The following SLC24A2 variants were observed in gnomAD, a reference collection of about 807,000 sequenced individuals.
SLC24A2 encodes the protein sodium/potassium/calcium exchanger 2.
SLC24A2 carries 36 observed loss-of-function variants against 62.0 expected under a neutral mutation model. That is an observed-to-expected ratio of 0.58 (90% CI 0.44 to 0.77). The LOEUF (loss-of-function observed/expected upper bound fraction) is 0.77. Among genes scored for constraint, SLC24A2 ranks in the 30% least tolerant of loss-of-function variants. The pLI, the probability that SLC24A2 is intolerant of heterozygous loss-of-function variation, is 0.00. For synonymous variants in SLC24A2, 358 were observed against 294.0 expected, an observed-to-expected ratio of 1.22 and a Z score of -2.23; for missense variants, 846 against 817.9, an observed-to-expected ratio of 1.03 and a Z score of -0.42.
At chr9:20,026,390 T>G in the SLC24A2 span, among the ~76,000 whole-genome samples, 3 of 152,240 alleles carry the variant, frequency 2.0e-5, no homozygotes, top group African/African-American at 7.2e-5. Flanking sequence ...GCCTAGCACA[T>G]AGTAAGCACT....
intron 2 of SLC24A2, among the ~76,000 whole-genome samples, chr9:19,633,226 C>T (rs773978465): frequency 2.0e-5 from 3 of 152,090 alleles, no homozygotes; most frequent in Non-Finnish European, 2.9e-5. Flanking sequence ...GATAGTTTAC[C>T]ATTTTGGGCT....
chr9:19,580,340 C>T (rs534635289), intron 5 of SLC24A2, among the ~76,000 whole-genome samples: 1 of 152,358 alleles, frequency 6.6e-6, no homozygotes, highest in South Asian at 2.1e-4. Context: ...TGAGGGCCCA[C>T]CTTCAGAATG....
intron 8 of SLC24A2, among the ~76,000 whole-genome samples, chr9:19,541,855 G>A (rs1412480137): frequency 1.3e-5 from 2 of 151,740 alleles, no homozygotes; most frequent in Non-Finnish European, 1.5e-5. Context: ...AGCAATCAGC[G>A]AGATTCCGTG....
intron 2 of SLC24A2, among the ~76,000 whole-genome samples, chr9:19,752,648 TG>T (rs1822020153): frequency 6.6e-6 from 1 of 151,968 alleles, no homozygotes; most frequent in South Asian, 2.1e-4. Flanking sequence ...CATATGGTTG[TG>T]GGGAGGAAGA....
chr9:20,102,117 G>C, the SLC24A2 span, among the ~76,000 whole-genome samples: 1 of 152,166 alleles, frequency 6.6e-6, no homozygotes, highest in African/African-American at 2.4e-5. Context: ...CCAGATCAGA[G>C]TCCCTAGTTC....
chr9:20,162,914 T>C, the SLC24A2 span, among the ~76,000 whole-genome samples: 2 of 152,122 alleles, frequency 1.3e-5, no homozygotes, highest in Non-Finnish European at 2.9e-5. Context: ...GAAAAGGCCT[T>C]TGATAAAATT....
the SLC24A2 span, among the ~76,000 whole-genome samples, chr9:19,934,439 C>CG: frequency 6.6e-6 from 1 of 152,110 alleles, no homozygotes; most frequent in Non-Finnish European, 1.5e-5. This position sits in a 1 kb window ranked among gnomAD's most constrained non-coding sequence, Gnocchi z 4.1. Flanking sequence ...CGCGCACCCC[C>CG]GGGCTCCCGC....
the SLC24A2 span, among the ~76,000 whole-genome samples, chr9:19,820,050 TATATAC>T: frequency 2.2e-4 from 4 of 18,468 alleles, no homozygotes; most frequent in Non-Finnish European, 1.1e-3. Flanking sequence ...TACATATATA[TATATAC>T]ACATATATAT....
At chr9:19,630,696 G>C (rs1818156338) in intron 2 of SLC24A2, among the ~76,000 whole-genome samples, 1 of 152,114 alleles carries the variant, frequency 6.6e-6, no homozygotes, top group African/African-American at 2.4e-5. Flanking sequence ...AGAGATGCCA[G>C]ATTTGCTGAA....
chr9:20,033,604 T>A, the SLC24A2 span, among the ~76,000 whole-genome samples: 1 of 152,156 alleles, frequency 6.6e-6, no homozygotes, highest in Non-Finnish European at 1.5e-5. Flanking sequence ...ATTTACTAAA[T>A]CAAGGTTACG....
chr9:19,746,075 C>T (rs908098201), intron 2 of SLC24A2, among the ~76,000 whole-genome samples: 2 of 151,374 alleles, frequency 1.3e-5, no homozygotes, highest in African/African-American at 4.8e-5. Context: ...TGACATCATG[C>T]ATTTCCCTCC....
the SLC24A2 span, among the ~76,000 whole-genome samples, chr9:20,163,517 G>A: frequency 4.6e-5 from 7 of 152,282 alleles, no homozygotes; most frequent in South Asian, 1.2e-3. Flanking sequence ...CCATGCTCAT[G>A]GGTAGGAAGA....
At chr9:19,822,968 G>A in the SLC24A2 span, among the ~76,000 whole-genome samples, 2 of 152,052 alleles carry the variant, frequency 1.3e-5, no homozygotes, top group Non-Finnish European at 2.9e-5. Flanking sequence ...AGGAGTCAGA[G>A]CTGCACAGCT....
At chr9:20,079,507 T>C in the SLC24A2 span, among the ~76,000 whole-genome samples, 3 of 152,226 alleles carry the variant, frequency 2.0e-5, no homozygotes, top group Non-Finnish European at 4.4e-5. Context: ...ATTTAAGATG[T>C]CATGGACATA....
the SLC24A2 span, among the ~76,000 whole-genome samples, chr9:20,299,074 G>C: frequency 2.0e-5 from 3 of 152,154 alleles, no homozygotes; most frequent in Non-Finnish European, 4.4e-5. Flanking sequence ...GACAATTTGA[G>C]GTCTTGAGAT....
the SLC24A2 span, among the ~76,000 whole-genome samples, chr9:19,855,108 T>C: frequency 1.1e-4 from 16 of 152,196 alleles, no homozygotes; most frequent in Non-Finnish European, 1.8e-4. Flanking sequence ...ACTAAGATCA[T>C]GACCTCTGCT....
chr9:19,870,902 T>C, the SLC24A2 span, among the ~76,000 whole-genome samples: 1 of 152,180 alleles, frequency 6.6e-6, no homozygotes, highest in Admixed American at 6.5e-5. Context: ...GTATTCTGGA[T>C]ACAAGTCCTT....
chr9:19,654,246 G>A (rs973240295), intron 2 of SLC24A2, among the ~76,000 whole-genome samples: 7 of 152,088 alleles, frequency 4.6e-5, no homozygotes, highest in Admixed American at 2.0e-4. Flanking sequence ...AGATGCATTC[G>A]TCCTGCTGCT....
intron 5 of SLC24A2, among the ~76,000 whole-genome samples, chr9:19,586,326 C>G (rs1354045496): frequency 2.6e-5 from 4 of 152,160 alleles, no homozygotes; most frequent in Non-Finnish European, 5.9e-5. Context: ...CTGGTCCTCA[C>G]AAGTGTTTGT....
Sources: gnomAD v4.1 joint callset for allele counts (sites outside exome capture counted in the v4.1 genomes callset) on GRCh38, gnomAD v4.1.1 for gene constraint, Gnocchi (gnomAD v3.1) non-coding constraint, MANE v1.5 for transcripts, NCBI Gene and HGNC (gene_info 2026-07-23, HGNC 2026-07-21) for gene names.